Variants in GSE1 observed in about 807,000 individuals in gnomAD.
The protein encoded by GSE1 is Gse1 coiled-coil protein, also known as genetic suppressor element 1.
GSE1 carries 32 observed loss-of-function variants against 112.6 expected under a neutral mutation model. The ratio of observed to expected loss-of-function variants is 0.28; its 90% confidence interval spans 0.21 to 0.38. The LOEUF (loss-of-function observed/expected upper bound fraction) is 0.38. GSE1 is among the 10% of genes least tolerant of loss of function. GSE1 has a pLI of 1.00. For missense variants in GSE1, 2,348 were observed against 1,699.2 expected (o/e 1.38, Z -6.71); for synonymous variants, 1,115 against 735.6 (o/e 1.52, Z -8.35).
chr16:85,209,483 T>A (rs536202388), intron 1 of GSE1, among the ~76,000 whole-genome samples: 1 of 152,186 alleles, frequency 6.6e-6, no homozygotes, highest in Non-Finnish European at 1.5e-5. Context: ...CCAGCTGGCG[T>A]GCATCCCCCT....
intron 1 of GSE1, among the ~76,000 whole-genome samples, chr16:85,321,378 G>A (rs1887506306): frequency 6.6e-6 from 1 of 152,214 alleles, no homozygotes; most frequent in Non-Finnish European, 1.5e-5. Context: ...GCCTGAGCTG[G>A]TCTGCTTTTC....
chr16:85,494,752 GA>G (rs2051116361), intron 2 of GSE1, among the ~76,000 whole-genome samples: 1 of 152,296 alleles, frequency 6.6e-6, no homozygotes, highest in Admixed American at 6.5e-5. Context: ...AATTTGGGGG[GA>G]ACTCTATTAA....
At chr16:85,381,903 G>A (rs536835278) in intron 2 of GSE1, among the ~76,000 whole-genome samples, 1 of 152,286 alleles carries the variant, frequency 6.6e-6, no homozygotes, top group African/African-American at 2.4e-5. Context: ...CCGCCTGGGG[G>A]CATCTCACCG....
chr16:85,218,466 C>G (rs2075339649), intron 1 of GSE1, among the ~76,000 whole-genome samples: 1 of 152,210 alleles, frequency 6.6e-6, no homozygotes. Context: ...CTGCGGAGTG[C>G]CAGGCACACT....
intron 1 of GSE1, among the ~76,000 whole-genome samples, chr16:85,343,227 G>A (rs1251357664): frequency 1.3e-5 from 2 of 152,196 alleles, no homozygotes; most frequent in African/African-American, 2.4e-5. Flanking sequence ...CCAGAGGACC[G>A]CGCTGAACGG....
chr16:85,184,377 A>G (rs1001064672), intron 1 of GSE1, among the ~76,000 whole-genome samples: 1 of 152,202 alleles, frequency 6.6e-6, no homozygotes, highest in Admixed American at 6.5e-5. Context: ...AGGGGAAAAG[A>G]GGGGAATCTG....
At chr16:85,559,521 G>A (rs764875147) in intron 1 of GSE1, among the ~76,000 whole-genome samples, 10 of 152,216 alleles carry the variant, frequency 6.6e-5, no homozygotes, top group Non-Finnish European at 8.8e-5. Context: ...GACACTGCAG[G>A]GAGCAAGGGC....
intron 2 of GSE1, among the ~76,000 whole-genome samples, chr16:85,410,590 A>AG (rs571268444): frequency 1.9e-4 from 1 of 5,222 alleles, no homozygotes; most frequent in Non-Finnish European, 3.4e-4. Flanking sequence ...TGTTACACTC[A>AG]GGCCCCCCGG....
At chr16:85,353,252 T>C (rs963379517) in intron 1 of GSE1, among the ~76,000 whole-genome samples, 1 of 152,194 alleles carries the variant, frequency 6.6e-6, no homozygotes, top group Non-Finnish European at 1.5e-5. Context: ...CACACTCACT[T>C]GGGTTGTTGC....
intron 2 of GSE1, among the ~76,000 whole-genome samples, chr16:85,640,634 C>G (rs1222430159): frequency 6.6e-6 from 1 of 152,264 alleles, no homozygotes; most frequent in East Asian, 1.9e-4. Context: ...ACAGACCCAT[C>G]CTCATGAGCT....
chr16:85,192,141 TAGGC>T (rs1567601035), intron 1 of GSE1, among the ~76,000 whole-genome samples: 1 of 152,240 alleles, frequency 6.6e-6, no homozygotes, highest in Non-Finnish European at 1.5e-5. Flanking sequence ...GGTGCACACA[TAGGC>T]AGTACTGTGG....
intron 1 of GSE1, among the ~76,000 whole-genome samples, chr16:85,597,038 C>T (rs901669303): frequency 1.3e-5 from 2 of 151,808 alleles, no homozygotes; most frequent in East Asian, 3.9e-4. Context: ...AGTACAGTGG[C>T]ATGACCTTGG....
chr16:85,487,824 C>G (rs187754965), intron 2 of GSE1, among the ~76,000 whole-genome samples: 19 of 152,200 alleles, frequency 1.2e-4, no homozygotes, highest in Non-Finnish European at 2.4e-4. Context: ...TGACCTTGCA[C>G]GGTTAACGTG....
intron 1 of GSE1, among the ~76,000 whole-genome samples, chr16:85,267,033 C>T (rs779749702): frequency 8.5e-5 from 13 of 152,182 alleles, no homozygotes; most frequent in East Asian, 3.9e-4. Context: ...CCTTCCTGCC[C>T]GGGAGGCTGG....
At chr16:85,448,187 G>A (rs541343251) in intron 2 of GSE1, among the ~76,000 whole-genome samples, 5 of 152,302 alleles carry the variant, frequency 3.3e-5, no homozygotes, top group South Asian at 4.1e-4. Context: ...GATCCCAGAC[G>A]GAGAGTCTCA....
chr16:85,418,335 C>T lies in GSE1; in HGVS notation c.2464+60692C>T, dbSNP rs147154185. Among the ~76,000 whole-genome samples the T allele has an allele frequency of 2.9e-3, 442 of 152,358 alleles. 1 individual carries two copies. Among genetic ancestry groups the T allele is most frequent in the Non-Finnish European group, 4.9e-3 (331 of 68,026 alleles). The stretch of plus-strand genomic sequence containing the variant: ...CCTCCAAGGCATGGGACCCCAGGGT[C>T]GCCCCAGGCACGGCTCCCTCAGAAG... On this transcript the variant is annotated intron_variant, in intron 2 of 2. Transcript: ENST00000637419.
chr16:85,331,977 T>C (rs2046385145), intron 1 of GSE1, among the ~76,000 whole-genome samples: 1 of 152,104 alleles, frequency 6.6e-6, no homozygotes, highest in Non-Finnish European at 1.5e-5. Flanking sequence ...TACACCTGAA[T>C]CACCTTTATG....
Position 85,505,819 on chromosome 16 carries a change from A to AGG in GSE1, c.2465-128093_2465-128092dup, listed in dbSNP as rs1410951454. ...AGTTCAAGACCAGCTTGGGCAACATAGGGAGACCCCCATCTCTATAAAAAA... is the reference window on the plus strand; with the variant it reads ...AGTTCAAGACCAGCTTGGGCAACATAGGGGGAGACCCCCATCTCTATAAAAAA... On this transcript the variant is annotated intron_variant, in intron 2 of 2. Coordinates refer to the GSE1 transcript ENST00000637419. Among the ~76,000 whole-genome samples the AGG allele has an allele frequency of 2.0e-5, 3 of 152,142 alleles. No individual in the cohort carries two copies. The East Asian group carries it at 5.8e-4, about 29-fold the overall frequency.
At chr16:85,396,809 G>A (rs1362172796) in intron 2 of GSE1, among the ~76,000 whole-genome samples, 2 of 152,222 alleles carry the variant, frequency 1.3e-5, no homozygotes, top group African/African-American at 4.8e-5. Flanking sequence ...CAGGGCCATG[G>A]GCTGGGCGGT....
Sources: gnomAD v4.1 joint callset for allele counts (sites outside exome capture counted in the v4.1 genomes callset) on GRCh38, gnomAD v4.1.1 for gene constraint, MANE v1.5 for transcripts, NCBI Gene and HGNC (gene_info 2026-07-23, HGNC 2026-07-21) for gene names.